Variants in TP53BP2 observed in about 807,000 individuals in gnomAD.
TP53BP2 encodes tumor protein p53 binding protein 2, also known as apoptosis-stimulating of p53 protein 2.
Under a neutral mutation model 126.2 loss-of-function variants are expected in TP53BP2, and 62 were observed. That is an observed-to-expected ratio of 0.49 (90% confidence interval 0.40 to 0.61). TP53BP2 has a LOEUF of 0.61. TP53BP2 is among the 20% of genes least tolerant of loss of function. The pLI, the probability that TP53BP2 is intolerant of heterozygous loss-of-function variation, is 0.00. For synonymous variants in TP53BP2, 485 were observed against 502.9 expected, an observed-to-expected ratio of 0.96 and a Z score of 0.48; for missense variants, 1,215 against 1,402.8, an observed-to-expected ratio of 0.87 and a Z score of 2.14.
At position 223,845,945 on chromosome 1, in the gene TP53BP2, A is replaced by G. The variant is rs570190743; in HGVS notation, c.-265T>C. On this transcript the variant is annotated 5_prime_UTR_variant, in exon 1 of 18. Coordinates refer to ENST00000343537, the MANE Select transcript of TP53BP2 (RefSeq NM_001031685.3). ...TCGGGGCTCCCTCCTCCGCTCCGAA[A>G]CCAACTAATCCCGGGTCGGGCCCCA... 3 of 218,064 alleles carry G rather than the reference A, an allele frequency of 1.4e-5. No homozygotes were observed. Among genetic ancestry groups the G allele is most frequent in the South Asian group, 3.5e-4 (2 of 5,680 alleles). 13.5% of individuals were successfully genotyped at this position (218,064 alleles called of 1,614,324 possible). A position where few individuals can be genotyped will look rare whatever the true frequency, so the allele number is the denominator to read the frequency against.
chr1:223,797,455 GTTGCC>G (rs1317325601), intron 12 of TP53BP2, among the ~76,000 whole-genome samples: 1 of 150,564 alleles, frequency 6.6e-6, no homozygotes, highest in Non-Finnish European at 1.5e-5. Context: ...TTTCACTCTT[GTTGCC>G]CAGGCTGGAG....
intron 4 of TP53BP2, among the ~76,000 whole-genome samples, chr1:223,808,386 T>C (rs1153928): frequency 0.33 from 50,021 of 151,408 alleles, 12,671 homozygotes; most frequent in African/African-American, 0.71. Context: ...ACTAAAAATA[T>C]AAAAACTAGC....
intron 2 of TP53BP2, chr1:223,818,125 T>A (rs1663156829): frequency 6.6e-6 from 1 of 152,566 alleles, no homozygotes; most frequent in Non-Finnish European, 1.5e-5. Context: ...GAGAATTATC[T>A]GGCTAAAATC....
rs144963563 is a variant in TP53BP2, at chr1:223,786,227, A to G, written c.3164-1913T>C. On this transcript the variant is annotated intron_variant, in intron 16 of 17. Transcript: ENST00000343537. ...TAGTTATAGGACTCATATACAAATG[A>G]TGTAATTATTTTACAAAACAAGGAA... Among the ~76,000 whole-genome samples the G allele has an allele frequency of 6.0e-3, 908 of 152,336 alleles. 11 individuals carry two copies. Among genetic ancestry groups the G allele is most frequent in the African/African-American group, 0.019 (777 of 41,574 alleles).
chr1:223,818,822 A>G (rs1039579848), intron 2 of TP53BP2, among the ~76,000 whole-genome samples: 2 of 150,964 alleles, frequency 1.3e-5, no homozygotes, highest in Non-Finnish European at 3.0e-5. Context: ...CAGGTGATCA[A>G]CCCTCCTTGG....
intron 1 of TP53BP2, among the ~76,000 whole-genome samples, chr1:223,842,278 G>A (rs567903071): frequency 3.9e-5 from 6 of 152,282 alleles, no homozygotes; most frequent in African/African-American, 1.4e-4. Context: ...AGGGCTATAT[G>A]ATGACATCGG....
intron 12 of TP53BP2, among the ~76,000 whole-genome samples, chr1:223,797,828 G>A (rs1662383364): frequency 6.6e-6 from 1 of 151,752 alleles, no homozygotes; most frequent in Non-Finnish European, 1.5e-5. Flanking sequence ...ACGTATATAT[G>A]TCTCTCTATA....
Position 223,804,159 on chromosome 1 carries a change from T to G in TP53BP2, c.649+15A>C. ...ATAAATGTATAAAAAAGTAAATCTATGAGGAACAACTCACCAAGTTTCCCA... is the reference window on the plus strand; with the variant it reads ...ATAAATGTATAAAAAAGTAAATCTAGGAGGAACAACTCACCAAGTTTCCCA... On this transcript the variant is annotated intron_variant, in intron 6 of 17. Transcript: ENST00000343537. The G allele has an allele frequency of 6.3e-7, 1 of 1,593,140 alleles. No homozygotes were observed.
chr1:223,809,964 T>A (rs1348102716), intron 4 of TP53BP2, among the ~76,000 whole-genome samples: 1 of 152,066 alleles, frequency 6.6e-6, no homozygotes, highest in Non-Finnish European at 1.5e-5. Context: ...GTAGCTGGGA[T>A]TACAGACATG....
At chr1:223,811,710 T>C (rs754538777) in intron 3 of TP53BP2, among the ~76,000 whole-genome samples, 2 of 152,202 alleles carry the variant, frequency 1.3e-5, no homozygotes, top group East Asian at 3.8e-4. Flanking sequence ...AAAAAGAATA[T>C]GGTGACAGTC....
chr1:223,794,624 G>C (rs1662257947), intron 13 of TP53BP2, among the ~76,000 whole-genome samples: 1 of 152,144 alleles, frequency 6.6e-6, no homozygotes, highest in Admixed American at 6.5e-5. Context: ...GCAACAAAAA[G>C]GCCAGAAAAT....
In TP53BP2 at chr1:223,803,424, C is replaced by G. The variant is rs376987408; in HGVS notation, c.678G>C (p.Leu226Phe). The G allele has an allele frequency of 1.5e-5, 24 of 1,613,086 alleles. No homozygotes were observed. The South Asian group carries it at 2.5e-4, about 17-fold the overall frequency. The change falls in exon 7 of 18, where the codon TTG (leucine) becomes TTC (phenylalanine). Residue 226 changes from leucine (L) to phenylalanine (F), a missense_variant. Around this residue, in one of 4 missense-constraint regions of TP53BP2, gnomAD observed 814 missense variants for 853.0 expected, o/e 0.95. Coordinates refer to ENST00000343537, the MANE Select transcript of TP53BP2 (RefSeq NM_001031685.3). ...LVEEIEQMNN[L>F]FQQKQRELVL... ...CGAGCTCCCTCTGTTTTTGCTGGAACAAATTATTCATCTGTTCAATTTCCT... is the reference window on the plus strand; with the variant it reads ...CGAGCTCCCTCTGTTTTTGCTGGAAGAAATTATTCATCTGTTCAATTTCCT...
intron 1 of TP53BP2, among the ~76,000 whole-genome samples, chr1:223,829,983 T>C (rs989954861): frequency 2.0e-5 from 3 of 152,070 alleles, no homozygotes; most frequent in African/African-American, 7.2e-5. Context: ...AGAGAAGACA[T>C]TCATCAATAA....
Position 223,786,792 on chromosome 1 carries a change from G to C in TP53BP2, c.3163+2216C>G, listed in dbSNP as rs554739032. Among the ~76,000 whole-genome samples the C allele has an allele frequency of 2.2e-4, 33 of 151,614 alleles. 1 individual carries two copies. In the South Asian group the frequency reaches 4.2e-3, roughly 19 times the overall value. On this transcript the variant is annotated intron_variant, in intron 16 of 17. Coordinates refer to ENST00000343537, the MANE Select transcript of TP53BP2 (RefSeq NM_001031685.3). The stretch of plus-strand genomic sequence containing the variant: ...TGTCTAATTTTTTGTATTTTTAGTA[G>C]AGACGGAGTTTCACCATGTTAGCCA...
chr1:223,833,303 TAA>T (rs1214225960), intron 1 of TP53BP2, among the ~76,000 whole-genome samples: 1 of 152,228 alleles, frequency 6.6e-6, no homozygotes, highest in Non-Finnish European at 1.5e-5. Flanking sequence ...AGCAAAATCA[TAA>T]AGTCATATTC....
chr1:223,838,743 G>A (rs17559050), intron 1 of TP53BP2, among the ~76,000 whole-genome samples: 33,400 of 152,128 alleles, frequency 0.22, 3,846 homozygotes, highest in Middle Eastern at 0.25. Flanking sequence ...ACTTCAAGCC[G>A]TATTTACAGA....
chr1:223,788,196 T>G (rs1571837555), intron 16 of TP53BP2, among the ~76,000 whole-genome samples: 1 of 152,184 alleles, frequency 6.6e-6, no homozygotes, highest in East Asian at 1.9e-4. Flanking sequence ...AAAAAAGGCC[T>G]AGAGACAGAG....
At chr1:223,812,469 G>A (rs183118918) in intron 3 of TP53BP2, among the ~76,000 whole-genome samples, 1 of 151,450 alleles carries the variant, frequency 6.6e-6, no homozygotes, top group Admixed American at 6.6e-5. Flanking sequence ...TGCAACATCC[G>A]CCTCCCGGGT....
chr1:223,845,508 C>A, intron 1 of TP53BP2, 146 bp downstream of exon 1: 1 of 937,652 alleles, frequency 1.1e-6, no homozygotes. Flanking sequence ...TCCTGAAACC[C>A]GCTCGAAGCT....
Sources: allele counts gnomAD v4.1 joint callset (sites outside exome capture counted in the v4.1 genomes callset), GRCh38; gene constraint gnomAD v4.1.1; regional missense constraint gnomAD v4.1.1; transcripts MANE v1.5; gene names NCBI Gene and HGNC (gene_info 2026-07-23, HGNC 2026-07-21).